SUMF1: variants seen among roughly 807,000 people sequenced by gnomAD.
SUMF1 encodes formylglycine-generating enzyme.
Under a neutral mutation model 47.6 loss-of-function variants are expected in SUMF1, and 48 were observed. The ratio of observed to expected loss-of-function variants is 1.01; its 90% CI spans 0.80 to 1.28. The LOEUF (loss-of-function observed/expected upper bound fraction) is 1.28, where lower values mean the gene tolerates loss of function less well. Ranked by LOEUF, SUMF1 falls within the 50% of genes most tolerant of loss-of-function variation. The pLI is 0.00. For synonymous variants in SUMF1, 230 were observed against 192.1 expected (o/e 1.20, Z -1.63); for missense variants, 571 against 485.4 (o/e 1.18, Z -1.66).
At chr3:4,229,059 G>A (rs1328646209) in intron 8 of SUMF1, among the ~76,000 whole-genome samples, 1 of 152,136 alleles carries the variant, frequency 6.6e-6, no homozygotes, top group African/African-American at 2.4e-5. Context: ...AGTGATGTAC[G>A]AAGCAATTTA....
At chr3:4,133,392 T>C (rs182828217) in intron 8 of SUMF1, among the ~76,000 whole-genome samples, 2 of 152,274 alleles carry the variant, frequency 1.3e-5, no homozygotes, top group African/African-American at 4.8e-5. Context: ...TGTGTATGGG[T>C]TCAAGTTGAC....
At chr3:4,297,775 A>C in intron 8 of SUMF1, among the ~76,000 whole-genome samples, 1 of 152,098 alleles carries the variant, frequency 6.6e-6, no homozygotes, top group East Asian at 1.9e-4. Flanking sequence ...ATTTCTGCTG[A>C]CTTTCCTCCT....
intron 8 of SUMF1, among the ~76,000 whole-genome samples, chr3:4,082,685 T>C (rs1486372007): frequency 3.3e-5 from 5 of 152,122 alleles, no homozygotes; most frequent in Non-Finnish European, 7.4e-5. Flanking sequence ...CAATTACCCA[T>C]ATTTTAATTG....
chr3:4,078,288 G>T (rs1423231084), intron 8 of SUMF1, among the ~76,000 whole-genome samples: 1 of 148,570 alleles, frequency 6.7e-6, no homozygotes, highest in East Asian at 2.0e-4. Context: ...ACTGGCTGGT[G>T]TGTTACCAGA....
At chr3:4,061,990 C>A (rs1454572112) in intron 9 of SUMF1, among the ~76,000 whole-genome samples, 1 of 152,092 alleles carries the variant, frequency 6.6e-6, no homozygotes, top group Non-Finnish European at 1.5e-5. Context: ...AGTTCATTTA[C>A]ACTCAGACTC....
intron 1 of SUMF1, among the ~76,000 whole-genome samples, chr3:4,454,655 G>A (rs1703093529): frequency 6.6e-6 from 1 of 152,164 alleles, no homozygotes; most frequent in South Asian, 2.1e-4. Flanking sequence ...ATTCATAATA[G>A]CCAAAAAGCA....
intron 3 of SUMF1, among the ~76,000 whole-genome samples, chr3:4,444,847 C>T (rs568187721): frequency 3.9e-4 from 59 of 152,216 alleles, no homozygotes; most frequent in African/African-American, 1.3e-3. Context: ...ACAGGGTCCT[C>T]GAAATACTGT....
chr3:4,163,986 C>A (rs1465113948), intron 8 of SUMF1, among the ~76,000 whole-genome samples: 1 of 152,130 alleles, frequency 6.6e-6, no homozygotes, highest in African/African-American at 2.4e-5. Flanking sequence ...ACTGTTAGAA[C>A]CACTGGCTAT....
chr3:4,151,839 G>C (rs867352920), intron 8 of SUMF1, among the ~76,000 whole-genome samples: 1 of 151,418 alleles, frequency 6.6e-6, no homozygotes, highest in Non-Finnish European at 1.5e-5. Context: ...ATAGAGAAAA[G>C]ATGCACTGGG....
chr3:4,360,678 T>C (rs1176668976), downstream of SUMF1, among the ~76,000 whole-genome samples: 1 of 152,140 alleles, frequency 6.6e-6, no homozygotes, highest in Non-Finnish European at 1.5e-5. Context: ...GTTAAGAGGC[T>C]AAGCACAAAA....
chr3:4,335,960 C>CAAAAAAAAAAAAAAAAA lies in SUMF1; in HGVS notation c.1014+40353_1014+40369dup, dbSNP rs770091674. On this transcript the variant is annotated intron_variant and NMD_transcript_variant, in intron 8 of 12. Transcript: ENST00000448413. ...TGGACAACTGAGTGAGATTCCAACT[C>CAAAAAAAAAAAAAAAAA]AAAAAAAAAAAAAAAAAAAACAGAA... 1.7e-3 allele frequency among the ~76,000 whole-genome samples: 122 copies of CAAAAAAAAAAAAAAAAA among 73,666 alleles called. 2 individuals carry two copies. Among genetic ancestry groups the CAAAAAAAAAAAAAAAAA allele is most frequent in the African/African-American group, 2.3e-3 (32 of 14,088 alleles). 48.3% of individuals were successfully genotyped at this position (73,666 alleles called of 152,430 possible).
At chr3:4,438,648 T>A (rs1702479265) in intron 3 of SUMF1, among the ~76,000 whole-genome samples, 1 of 152,104 alleles carries the variant, frequency 6.6e-6, no homozygotes, top group Middle Eastern at 3.2e-3. Flanking sequence ...AGCTTTAATA[T>A]ATATAAAGCA....
At chr3:4,190,996 A>T (rs1319123442) in intron 8 of SUMF1, among the ~76,000 whole-genome samples, 1 of 152,190 alleles carries the variant, frequency 6.6e-6, no homozygotes. Flanking sequence ...AAGACAGGTT[A>T]TTGAGTTCTA....
chr3:4,252,186 A>T (rs916271468), intron 8 of SUMF1, among the ~76,000 whole-genome samples: 1 of 152,222 alleles, frequency 6.6e-6, no homozygotes, highest in Admixed American at 6.5e-5. Context: ...TCTACAAAAT[A>T]TACTGTAGCT....
At chr3:4,462,953 C>T in intron 1 of SUMF1, among the ~76,000 whole-genome samples, 1 of 152,194 alleles carries the variant, frequency 6.6e-6, no homozygotes, top group Non-Finnish European at 1.5e-5. Flanking sequence ...GAGATGATCT[C>T]TCTCACAGGA....
intron 8 of SUMF1, among the ~76,000 whole-genome samples, chr3:4,199,638 C>T (rs1483453498): frequency 6.6e-6 from 1 of 152,098 alleles, no homozygotes; most frequent in Non-Finnish European, 1.5e-5. Flanking sequence ...TAACACATAG[C>T]ATTCTGTCTT....
rs755329565 is a variant in SUMF1 at position 4,449,268 on chromosome 3, C to A, written c.517G>T (p.Ala173Ser). ...SEQVKTNIQQAVAAAPWWLPV... is the reference protein window; with the variant it reads ...SEQVKTNIQQSVAAAPWWLPV... ...GAGCCTGTTGAAACATTACTTACTG[C>A]CTGTTGAATATTGGTCTTCACTTGC... Residue 173 changes from alanine (A) to serine (S), a missense_variant and splice_region_variant, in exon 3 of 9, where the codon GCA becomes TCA. Transcript: ENST00000272902. 3 of 1,614,104 alleles carry A rather than the reference C, an allele frequency of 1.9e-6. No homozygotes were observed. Among genetic ancestry groups the A allele is most frequent in the Non-Finnish European group, 2.5e-6 (3 of 1,179,984 alleles).
intron 9 of SUMF1, among the ~76,000 whole-genome samples, chr3:4,045,660 T>C (rs61745184): frequency 0.041 from 6,208 of 152,086 alleles, 444 homozygotes; most frequent in African/African-American, 0.14. Flanking sequence ...GTTTTCCAGA[T>C]TCTGCATATC....
intron 1 of SUMF1, among the ~76,000 whole-genome samples, chr3:4,462,347 TAGG>T (rs2079834763): frequency 6.6e-6 from 1 of 152,022 alleles, no homozygotes; most frequent in Non-Finnish European, 1.5e-5. Context: ...ATCTTATCAG[TAGG>T]AGAAGGGACA....
Sources: gnomAD v4.1 joint callset for allele counts (sites outside exome capture counted in the v4.1 genomes callset) on GRCh38, gnomAD v4.1.1 for gene constraint, MANE v1.5 for transcripts, NCBI Gene and HGNC (gene_info 2026-07-23, HGNC 2026-07-21) for gene names.